The following STXBP5 variants were observed in gnomAD, a reference collection of about 807,000 sequenced individuals.
STXBP5 encodes syntaxin-binding protein 5.
Under a neutral mutation model 152.4 loss-of-function variants are expected in STXBP5, and 50 were observed. That is an observed-to-expected ratio of 0.33 (90% CI 0.26 to 0.42). The LOEUF (loss-of-function observed/expected upper bound fraction) is 0.42. Ranked by LOEUF, STXBP5 falls within the 10% of genes least tolerant of loss-of-function variation. The pLI is 1.00. For synonymous variants in STXBP5, 492 were observed against 494.7 expected, an observed-to-expected ratio of 0.99 and a Z score of 0.07; for missense variants, 1,167 against 1,388.6, an observed-to-expected ratio of 0.84 and a Z score of 2.54.
chr6:147,317,277 ATGTC>A (rs1333572473), intron 16 of STXBP5, among the ~76,000 whole-genome samples: 27 of 152,316 alleles, frequency 1.8e-4, no homozygotes, highest in Admixed American at 1.7e-3. Flanking sequence ...TCTGGGAAGA[ATGTC>A]TGTGTAATGA....
At chr6:147,319,050 C>G (rs1250688204) in intron 16 of STXBP5, among the ~76,000 whole-genome samples, 3 of 152,166 alleles carry the variant, frequency 2.0e-5, no homozygotes, top group Admixed American at 6.5e-5. Flanking sequence ...TCTAGACTTG[C>G]TTTGAATACT....
chr6:147,252,776 A>G (rs1402994238), intron 4 of STXBP5, among the ~76,000 whole-genome samples: 1 of 152,084 alleles, frequency 6.6e-6, no homozygotes, highest in East Asian at 1.9e-4. Context: ...CACAATTGTC[A>G]GATTCACCAA....
chr6:147,316,483 G>T, intron 16 of STXBP5, 76 bp downstream of exon 16: 1 of 1,270,592 alleles, frequency 7.9e-7, no homozygotes. Flanking sequence ...TTAGAGCTAT[G>T]GTAACATTTT....
At chr6:147,276,125 G>C (rs1036915767) in intron 7 of STXBP5, among the ~76,000 whole-genome samples, 2 of 152,108 alleles carry the variant, frequency 1.3e-5, no homozygotes, top group African/African-American at 2.4e-5. Flanking sequence ...TAAAGAAAAA[G>C]TATAAATTGT....
At chr6:147,220,865 G>A (rs960259746) in intron 2 of STXBP5, among the ~76,000 whole-genome samples, 1 of 152,078 alleles carries the variant, frequency 6.6e-6, no homozygotes, top group Non-Finnish European at 1.5e-5. Context: ...GAAGTTTAAA[G>A]TGAATGTTGA....
At chr6:147,330,453 A>G (rs760547723) in intron 18 of STXBP5, among the ~76,000 whole-genome samples, 11 of 152,164 alleles carry the variant, frequency 7.2e-5, no homozygotes, top group Non-Finnish European at 1.6e-4. Context: ...GAGGCAGACC[A>G]AGCAATAATA....
chr6:147,358,879 A>G (rs1350742749), intron 22 of STXBP5, among the ~76,000 whole-genome samples: 3 of 152,158 alleles, frequency 2.0e-5, no homozygotes, highest in African/African-American at 7.2e-5. Context: ...GGGGTAGCAG[A>G]GGTGGAGGAA....
At chr6:147,247,531 G>A (rs1038097779) in intron 4 of STXBP5, among the ~76,000 whole-genome samples, 2 of 152,120 alleles carry the variant, frequency 1.3e-5, no homozygotes, top group African/African-American at 4.8e-5. Context: ...ATATTCAGAG[G>A]AAAGACAGTT....
chr6:147,318,784 C>T (rs140772579), intron 16 of STXBP5, among the ~76,000 whole-genome samples: 43 of 152,248 alleles, frequency 2.8e-4, no homozygotes, highest in African/African-American at 9.4e-4. Flanking sequence ...GGGATATACA[C>T]GCAATAACAT....
At chr6:147,325,474 G>A (rs1482684428) in intron 17 of STXBP5, among the ~76,000 whole-genome samples, 1 of 152,138 alleles carries the variant, frequency 6.6e-6, no homozygotes, top group African/African-American at 2.4e-5. Context: ...AAGTGTAGTT[G>A]TGTAATTTTT....
chr6:147,252,263 G>A (rs1302789608), intron 4 of STXBP5, among the ~76,000 whole-genome samples: 2 of 151,994 alleles, frequency 1.3e-5, no homozygotes, highest in Non-Finnish European at 2.9e-5. Flanking sequence ...TCAGAAGGTG[G>A]GTAATAACAA....
chr6:147,377,730 G>A (rs531381862), intron 26 of STXBP5, among the ~76,000 whole-genome samples: 1 of 151,984 alleles, frequency 6.6e-6, no homozygotes, highest in Non-Finnish European at 1.5e-5. Context: ...CCTCCCAAAG[G>A]CCCCCACTTC....
chr6:147,299,250 A>G lies in STXBP5; in HGVS notation c.917+8078A>G, dbSNP rs545601687. Among the ~76,000 whole-genome samples the G allele has an allele frequency of 1.7e-4, 7 of 41,724 alleles. No homozygotes were observed. In the South Asian group the frequency reaches 6.9e-3, roughly 41 times the overall value. 27.4% of individuals were successfully genotyped at this position (41,724 alleles called of 152,430 possible). A position where few individuals can be genotyped will look rare whatever the true frequency, so the allele number is the denominator to read the frequency against. On this transcript the variant is annotated intron_variant, in intron 9 of 27. Coordinates refer to ENST00000321680, the MANE Select transcript of STXBP5 (RefSeq NM_001127715.4). ...TATATGCCAACAAATTGAGTAATCT[A>G]AAAAAAAAAAGTGTATGAAGTTCTG...
At chr6:147,217,769 CAAAA>C (rs1353182064) in intron 2 of STXBP5, among the ~76,000 whole-genome samples, 1 of 152,098 alleles carries the variant, frequency 6.6e-6, no homozygotes, top group African/African-American at 2.4e-5. Flanking sequence ...CACATTAAAA[CAAAA>C]AAGCAGTTGA....
At chr6:147,282,141 G>A (rs966921424) in intron 8 of STXBP5, among the ~76,000 whole-genome samples, 1 of 152,198 alleles carries the variant, frequency 6.6e-6, no homozygotes, top group African/African-American at 2.4e-5. Context: ...TGTGGAACTT[G>A]TTATTTACTT....
intron 7 of STXBP5, among the ~76,000 whole-genome samples, chr6:147,269,675 A>G: frequency 6.6e-6 from 1 of 152,188 alleles, no homozygotes; most frequent in African/African-American, 2.4e-5. Context: ...GGCAAAAATC[A>G]CACAAGTGGA....
intron 3 of STXBP5, among the ~76,000 whole-genome samples, chr6:147,237,895 C>T (rs1778357349): frequency 6.6e-6 from 1 of 152,180 alleles, no homozygotes; most frequent in South Asian, 2.1e-4. Flanking sequence ...CTGCATGTTA[C>T]ATCTCTTGTC....
intron 27 of STXBP5, among the ~76,000 whole-genome samples, chr6:147,383,287 C>G (rs1223140277): frequency 6.6e-6 from 1 of 152,046 alleles, no homozygotes; most frequent in Non-Finnish European, 1.5e-5. Context: ...GAATGCGATA[C>G]CAATGTTAAT....
At chr6:147,291,879 A>G (rs1216233290) in intron 9 of STXBP5, among the ~76,000 whole-genome samples, 1 of 150,104 alleles carries the variant, frequency 6.7e-6, no homozygotes, top group Admixed American at 6.6e-5. Flanking sequence ...TGCTATAGCT[A>G]TGTTGGACAG....
Sources: gnomAD v4.1 joint callset for allele counts (sites outside exome capture counted in the v4.1 genomes callset) on GRCh38, gnomAD v4.1.1 for gene constraint, MANE v1.5 for transcripts, NCBI Gene and HGNC (gene_info 2026-07-23, HGNC 2026-07-21) for gene names.